The following IL18BP variants were observed in gnomAD, a reference collection of about 807,000 sequenced individuals.
IL18BP encodes interleukin 18 binding protein.
Under a neutral mutation model 19.9 loss-of-function variants are expected in IL18BP, and 23 were observed. The ratio of observed to expected loss-of-function variants is 1.15; its 90% CI spans 0.83 to 1.64. IL18BP has a LOEUF of 1.64. Among genes scored for constraint, IL18BP ranks in the 40% most tolerant of loss-of-function variants. The pLI is 0.00. For missense variants in IL18BP, 239 were observed against 240.7 expected (o/e 0.99, Z 0.05); for synonymous variants, 107 against 101.0 (o/e 1.06, Z -0.35).
In IL18BP at chr11:72,000,542, G is replaced by A. The variant is rs772189103; in HGVS notation, c.220G>A (p.Val74Met). ...CPALEVTWPEVEVPLNGTLSL... is the reference protein window; with the variant it reads ...CPALEVTWPEMEVPLNGTLSL... The stretch of plus-strand genomic sequence containing the variant: ...AGCATTGGAAGTGACCTGGCCAGAG[G>A]TGGAAGTGCCACTGAGTAAGAAGCA... Residue 74 changes from valine to methionine, a missense_variant, in exon 3 of 6, where the codon GTG (valine) becomes ATG (methionine). By Grantham distance (21) the Val-to-Met change is conservative. Transcript: ENST00000393703. 4.3e-6 allele frequency: 7 copies of A among 1,611,398 alleles called. No homozygotes were observed. Among genetic ancestry groups the A allele is most frequent in the Admixed American group, 1.7e-5 (1 of 60,024 alleles).
chr11:72,003,987 T>A, downstream of IL18BP: 2 of 1,612,982 alleles, frequency 1.2e-6, no homozygotes, highest in Non-Finnish European at 1.7e-6. Context: ...ACTGCGAGTG[T>A]TGGGGGAAGC....
At chr11:72,004,617 C>T (rs1375871281), downstream of IL18BP, 4 of 1,607,108 alleles carry the variant, frequency 2.5e-6, no homozygotes, top group Non-Finnish European at 8.5e-7. Flanking sequence ...GCTGGAGTAA[C>T]ACCCAGGAGC....
At chr11:72,007,781 C>G (rs550729323), downstream of IL18BP, 7 of 379,342 alleles carry the variant, frequency 1.8e-5, no homozygotes, top group East Asian at 3.6e-4. Flanking sequence ...GAACGCCCCC[C>G]ACTCAGGCCC....
At chr11:72,005,419 ACCT>A (rs1697753641), downstream of IL18BP, 3 of 1,576,660 alleles carry the variant, frequency 1.9e-6, no homozygotes, top group South Asian at 1.2e-5. Context: ...TCGGCAGGTC[ACCT>A]CCTGGCCCTG....
At chr11:72,005,638 C>G, downstream of IL18BP, 2 of 518,136 alleles carry the variant, frequency 3.9e-6, no homozygotes, top group Non-Finnish European at 6.7e-6. Flanking sequence ...GCTTGGTGGC[C>G]AACACCCAGA....
At chr11:72,003,392 G>C (rs1417550970), downstream of IL18BP, 2 of 862,992 alleles carry the variant, frequency 2.3e-6, no homozygotes, top group Admixed American at 1.8e-5. Context: ...GGTGCGGGCA[G>C]GCATCACTGT....
downstream of IL18BP, chr11:72,005,161 G>A: frequency 1.4e-6 from 2 of 1,467,558 alleles, no homozygotes; most frequent in Non-Finnish European, 1.8e-6. Context: ...CTAGTGCTCA[G>A]GCTAGATCAG....
downstream of IL18BP, chr11:72,005,934 G>A: frequency 4.0e-6 from 4 of 1,002,538 alleles, no homozygotes; most frequent in Non-Finnish European, 6.0e-6. Context: ...GTAGCAAGGA[G>A]GCCAGCCTTG....
At chr11:72,007,253 G>A (rs779520471), downstream of IL18BP, 21 of 1,612,874 alleles carry the variant, frequency 1.3e-5, no homozygotes, top group Admixed American at 8.3e-5. Context: ...CTTACGACCC[G>A]AGTCCAGGAA....
downstream of IL18BP, chr11:72,003,712 A>C: frequency 1.0e-6 from 1 of 990,544 alleles, no homozygotes. Context: ...CTCCATGAGA[A>C]TGGGGCCATC....
chr11:72,007,494 C>A (rs978648312), downstream of IL18BP: 1 of 1,589,978 alleles, frequency 6.3e-7, no homozygotes, highest in African/African-American at 1.3e-5. Context: ...TTTTGTCCAG[C>A]CCTTTTTGAA....
chr11:72,002,468 G>GA lies in IL18BP; in HGVS notation c.*607_*608insA. 2 of 153,236 alleles carry GA rather than the reference G, an allele frequency of 1.3e-5. No individual in the cohort carries two copies. Among genetic ancestry groups the GA allele is most frequent in the Admixed American group, 6.4e-5 (1 of 15,512 alleles). The allele number at this position is 153,236 out of a possible 1,614,324, so 9.5% of individuals were successfully genotyped here. On this transcript the variant is annotated 3_prime_UTR_variant, in exon 6 of 6. Coordinates refer to ENST00000393703, the MANE Select transcript of IL18BP (RefSeq NM_001039660.2). ...AAGGGATGGGGGCAGCAGCTGCTTC[G>GA]GATCCACACTGTATCTGTGTCATCC...
chr11:72,004,157 C>CTG, downstream of IL18BP: 1 of 1,599,852 alleles, frequency 6.3e-7, no homozygotes, highest in African/African-American at 1.3e-5. Flanking sequence ...GGCCAGCGTG[C>CTG]TGTGCCACGC....
downstream of IL18BP, chr11:72,003,487 A>C: frequency 3.1e-6 from 5 of 1,608,614 alleles, no homozygotes; most frequent in Non-Finnish European, 4.3e-6. Context: ...TGAGGTCAGC[A>C]TCGGGGACAC....
Position 72,002,116 on chromosome 11 carries a change from A to AGC in IL18BP, c.*255_*256insGC. 1.7e-6 allele frequency: 1 copy of AGC among 576,586 alleles called. No individual in the cohort carries two copies. Among genetic ancestry groups the AGC allele is most frequent in the Non-Finnish European group, 3.1e-6 (1 of 321,374 alleles). The allele number at this position is 576,586 out of a possible 1,614,324, so 35.7% of individuals were successfully genotyped here. On this transcript the variant is annotated 3_prime_UTR_variant, in exon 6 of 6. Coordinates refer to ENST00000393703, the MANE Select transcript of IL18BP (RefSeq NM_001039660.2). Reference sequence around the variant, plus strand: ...TATCCATTAGCCTTCCTAACGTCCTACTCCTCACACTGCTCTACTGCTCAG... The same window carrying AGC: ...TATCCATTAGCCTTCCTAACGTCCTAGCCTCCTCACACTGCTCTACTGCTCAG...
chr11:72,001,305 CTG>C lies in IL18BP; in HGVS notation c.343_344del (p.Trp115GlyfsTer41), dbSNP rs868013675. 2.2e-5 allele frequency: 35 copies of C among 1,614,082 alleles called. No homozygotes were observed. The highest frequency in any genetic ancestry group is 4.0e-5 in the African/African-American group (3 of 74,942). On this transcript the variant is annotated frameshift_variant, in exon 4 of 6. Transcript: ENST00000393703. LOFTEE classifies it high-confidence loss of function. The part of the protein sequence containing the change: ...GSFIEHLPGR[L>X]WEGSTSRERG... ...CTTCATTGAGCACCTCCCAGGCCGA[CTG>C]TGGGAGGGGAGCACCAGGTGAGGGT...
At chr11:72,005,840 G>A, downstream of IL18BP, 1 of 593,178 alleles carries the variant, frequency 1.7e-6, no homozygotes, top group Non-Finnish European at 3.0e-6. Context: ...CTGGCTAAGA[G>A]TGCCCCCAAC....
At chr11:72,007,252 C>T (rs61744213), downstream of IL18BP, 7,043 of 1,612,700 alleles carry the variant, frequency 4.4e-3, 258 homozygotes, top group African/African-American at 0.08. Flanking sequence ...TCTTACGACC[C>T]GAGTCCAGGA....
chr11:71,999,312 C>T, intron 1 of IL18BP: 1 of 385,830 alleles, frequency 2.6e-6, no homozygotes, highest in Non-Finnish European at 5.1e-6. Flanking sequence ...AAAGACCTGG[C>T]TGTGAAGAGG....
Sources: allele counts gnomAD v4.1 joint callset, GRCh38; gene constraint gnomAD v4.1.1; transcripts MANE v1.5; gene names NCBI Gene and HGNC (gene_info 2026-07-23, HGNC 2026-07-21).